CEP85: variants seen among roughly 807,000 people sequenced by gnomAD.
CEP85 encodes the protein centrosomal protein of 85 kDa.
Under a neutral mutation model 93.7 loss-of-function variants are expected in CEP85, and 58 were observed. That is an observed-to-expected ratio of 0.62 (90% CI 0.50 to 0.77). The LOEUF (loss-of-function observed/expected upper bound fraction) is 0.77. Ranked by LOEUF, CEP85 falls within the 30% of genes least tolerant of loss-of-function variation. CEP85 has a pLI of 0.00. For synonymous variants in CEP85, 314 were observed against 338.6 expected (o/e 0.93, Z 0.80); for missense variants, 868 against 922.0 (o/e 0.94, Z 0.76).
rs371136031 is a variant in CEP85, at chr1:26,236,152, C to T, written c.-23+1842C>T. On this transcript the variant is annotated intron_variant, in intron 1 of 13. Transcript: ENST00000451429. ...TTAGAGTACAGTCCTGGCTTTGAAG[C>T]CTCTTCCTAGCCATATGACCTTCAC... Among the ~76,000 whole-genome samples, 8 of 152,282 alleles carry T rather than the reference C, an allele frequency of 5.3e-5. No homozygotes were observed. In the South Asian group the frequency reaches 1.5e-3, roughly 28 times the overall value.
At chr1:26,258,336 T>A in intron 6 of CEP85, 76 bp downstream of exon 6, 2 of 928,680 alleles carry the variant, frequency 2.2e-6, no homozygotes, top group Non-Finnish European at 3.5e-6. Flanking sequence ...CCATTAGGTA[T>A]CCAGGAGATA....
intron 1 of CEP85, among the ~76,000 whole-genome samples, chr1:26,235,108 T>C (rs1483301302): frequency 6.6e-6 from 1 of 152,190 alleles, no homozygotes; most frequent in Non-Finnish European, 1.5e-5. Context: ...GTTTATTTGT[T>C]CAACAGTATA....
chr1:26,273,901 A>AAATAAATAAAT lies in CEP85; in HGVS notation c.1795-1061_1795-1060insTAAATAAATAA, dbSNP rs60960910. Among the ~76,000 whole-genome samples, 596 of 141,482 alleles carry AAATAAATAAAT rather than the reference A, an allele frequency of 4.2e-3. 3 individuals carry two copies. Among genetic ancestry groups the AAATAAATAAAT allele is most frequent in the East Asian group, 7.4e-3 (37 of 5,006 alleles). The allele number at this position is 141,482 out of a possible 152,430, so 92.8% of individuals were successfully genotyped here. A position where few individuals can be genotyped will look rare whatever the true frequency, so the allele number is the denominator to read the frequency against. On this transcript the variant is annotated intron_variant, in intron 11 of 13. Transcript: ENST00000451429. ...GGGCGACAGAGTGAAACCCCATCTC[A>AAATAAATAAAT]AAATAAATAAATAAATAAATAAATA...
Position 26,269,352 on chromosome 1 carries a change from A to G in CEP85, c.1495-108A>G, listed in dbSNP as rs530008398. 2.6e-6 allele frequency: 3 copies of G among 1,133,094 alleles called. No homozygotes were observed. The African/African-American group carries it at 4.6e-5, about 18-fold the overall frequency. 70.2% of individuals were successfully genotyped at this position (1,133,094 alleles called of 1,614,324 possible). A position where few individuals can be genotyped will look rare whatever the true frequency, so the allele number is the denominator to read the frequency against. On this transcript the variant is annotated intron_variant, in intron 8 of 13. Coordinates refer to ENST00000451429, the MANE Select transcript of CEP85 (RefSeq NM_001319944.2). ...GAAAGTAAAAATTGCCTTGCTGAGGAAATTAAATATAGGTTTGAGTGCTAT... is the reference window on the plus strand; with the variant it reads ...GAAAGTAAAAATTGCCTTGCTGAGGGAATTAAATATAGGTTTGAGTGCTAT...
rs1398050941 is a variant in CEP85, at chr1:26,277,546, G to A, written c.*253G>A. Reference sequence around the variant, plus strand: ...AACTTTTGGCAGGTACAACAGATAAGTCCTCACAAACTGTTCCCAGCCCTA... The same window carrying A: ...AACTTTTGGCAGGTACAACAGATAAATCCTCACAAACTGTTCCCAGCCCTA... On this transcript the variant is annotated 3_prime_UTR_variant, in exon 14 of 14. Transcript: ENST00000451429. 1 of 386,330 alleles carries A rather than the reference G, an allele frequency of 2.6e-6. No individual in the cohort carries two copies. The highest frequency in any genetic ancestry group is 4.5e-5 in the East Asian group (1 of 22,418). The allele number at this position is 386,330 out of a possible 1,614,324, so 23.9% of individuals were successfully genotyped here.
chr1:26,270,489 T>TG (rs778741107), intron 9 of CEP85, among the ~76,000 whole-genome samples: 10 of 152,206 alleles, frequency 6.6e-5, no homozygotes, highest in Non-Finnish European at 1.5e-4. Context: ...CAGTTTCTAA[T>TG]GGGATAGATT....
chr1:26,239,578 C>T (rs1212949123), intron 1 of CEP85, among the ~76,000 whole-genome samples, 184 bp from the exon 2 acceptor site: 2 of 147,158 alleles, frequency 1.4e-5, no homozygotes, highest in African/African-American at 5.4e-5. Context: ...TCTCGAACTC[C>T]TGACCTCAGT....
chr1:26,253,490 A>G (rs2089650477), intron 3 of CEP85, among the ~76,000 whole-genome samples: 1 of 151,264 alleles, frequency 6.6e-6, no homozygotes, highest in Non-Finnish European at 1.5e-5. Flanking sequence ...CCTGGGTTCA[A>G]GCGATCCTCC....
chr1:26,263,728 C>T (rs531520318), intron 7 of CEP85, among the ~76,000 whole-genome samples: 1 of 152,200 alleles, frequency 6.6e-6, no homozygotes, highest in South Asian at 2.1e-4. Context: ...AGCACAACCC[C>T]ACAATTGTGT....
intron 9 of CEP85, among the ~76,000 whole-genome samples, chr1:26,270,736 T>TA (rs1477562338): frequency 6.6e-6 from 1 of 152,216 alleles, no homozygotes; most frequent in African/African-American, 2.4e-5. Flanking sequence ...ATGTGATAAA[T>TA]ATGTATTTTT....
intron 7 of CEP85, among the ~76,000 whole-genome samples, 173 bp downstream of exon 7, chr1:26,259,975 T>TCCTC (rs1264996202): frequency 1.3e-5 from 2 of 152,052 alleles, no homozygotes; most frequent in Non-Finnish European, 2.9e-5. Flanking sequence ...AATGGAACTC[T>TCCTC]CCTCCCTCCC....
rs1048623240 is a variant in CEP85 at position 26,271,421 on chromosome 1, A to T, written c.1743+314A>T. Reference sequence around the variant, plus strand: ...CACTTTATTCATGGCTCAGGCCCATACAGAAACCCTTGAATTGAACAGAGT... The same window carrying T: ...CACTTTATTCATGGCTCAGGCCCATTCAGAAACCCTTGAATTGAACAGAGT... On this transcript the variant is annotated intron_variant, in intron 10 of 13. Transcript: ENST00000451429. 8.6e-5 allele frequency: 20 copies of T among 233,628 alleles called. 1 individual carries two copies. The South Asian group carries it at 1.3e-3, about 16-fold the overall frequency. 14.5% of individuals were successfully genotyped at this position (233,628 alleles called of 1,614,324 possible). A position where few individuals can be genotyped will look rare whatever the true frequency, so the allele number is the denominator to read the frequency against.
chr1:26,271,290 C>T (rs10902727), intron 10 of CEP85, among the ~76,000 whole-genome samples, 183 bp downstream of exon 10: 24,789 of 152,064 alleles, frequency 0.16, 2,127 homozygotes, highest in Middle Eastern at 0.19. Context: ...ATCCTTGTAA[C>T]AGGCAAACTT....
At chr1:26,252,981 A>G (rs916055648) in intron 3 of CEP85, among the ~76,000 whole-genome samples, 2 of 152,166 alleles carry the variant, frequency 1.3e-5, no homozygotes, top group African/African-American at 4.8e-5. Flanking sequence ...TCCACATATA[A>G]GTAAGAACGT....
intron 10 of CEP85, 79 bp from the exon 11 acceptor site, chr1:26,271,942 T>A: frequency 8.3e-7 from 1 of 1,204,860 alleles, no homozygotes; most frequent in Non-Finnish European, 1.2e-6. Context: ...AGACCACATG[T>A]CCTAGTGCAG....
At chr1:26,255,976 A>G (rs2089693826) in intron 4 of CEP85, 111 bp downstream of exon 4, 9 of 909,012 alleles carry the variant, frequency 9.9e-6, no homozygotes, top group Non-Finnish European at 1.5e-5. Context: ...AAAAGAAGGA[A>G]GATGTTTGTA....
chr1:26,250,925 CTTTTTTCTTTTTTTTTTTTTTTTTT>C (rs1426782074), intron 3 of CEP85, among the ~76,000 whole-genome samples: 1 of 55,160 alleles, frequency 1.8e-5, no homozygotes, highest in Non-Finnish European at 3.7e-5. Flanking sequence ...TTTTTTTTTT[CTTTTTTCTTTTTTTTTTTTTTTTTT>C]TTTTTTTTGA....
chr1:26,234,624 G>C lies in CEP85; in HGVS notation c.-23+314G>C, dbSNP rs548678608. On this transcript the variant is annotated intron_variant, in intron 1 of 13. Transcript: ENST00000451429. ...ATTCCTTGCCCTTGCGGAGCGCACA[G>C]CCCTGGGAGTCGACGTTAAGCGGGG... Among the ~76,000 whole-genome samples, 219 of 152,376 alleles carry C rather than the reference G, an allele frequency of 1.4e-3. 2 individuals are homozygous for C. The highest frequency in any genetic ancestry group is 1.6e-3 in the Non-Finnish European group (106 of 68,038).
chr1:26,237,933 C>T (rs1172380310), intron 1 of CEP85, among the ~76,000 whole-genome samples: 1 of 152,104 alleles, frequency 6.6e-6, no homozygotes, highest in Non-Finnish European at 1.5e-5. Context: ...CTGAATCATA[C>T]TTGCCATAAA....
Sources: allele counts gnomAD v4.1 joint callset (sites outside exome capture counted in the v4.1 genomes callset), GRCh38; gene constraint gnomAD v4.1.1; transcripts MANE v1.5; gene names NCBI Gene and HGNC (gene_info 2026-07-23, HGNC 2026-07-21).